SLCO3A1: variants seen among roughly 807,000 people sequenced by gnomAD.
SLCO3A1 encodes PGE1 transporter.
A neutral mutation model predicts 63.1 loss-of-function variants in SLCO3A1; 27 were observed. The observed-to-expected ratio is 0.43, with a 90% CI of 0.32 to 0.59. SLCO3A1 has a LOEUF of 0.59. Ranked by LOEUF, SLCO3A1 falls within the 20% of genes least tolerant of loss-of-function variation. The pLI is 0.09. For synonymous variants in SLCO3A1, 473 were observed against 409.9 expected (o/e 1.15, Z -1.86); for missense variants, 773 against 945.8 (o/e 0.82, Z 2.40).
chr15:92,078,264 A>G (rs1166010482), intron 2 of SLCO3A1, among the ~76,000 whole-genome samples: 1 of 152,322 alleles, frequency 6.6e-6, no homozygotes, highest in East Asian at 1.9e-4. Flanking sequence ...GGAGCACCAG[A>G]GCTGGCTAGC....
At position 92,076,622 on chromosome 15, in the gene SLCO3A1, G is replaced by A. The variant is rs79503249; in HGVS notation, c.647-18259G>A. Among the ~76,000 whole-genome samples, 85 of 152,274 alleles carry A rather than the reference G, an allele frequency of 5.6e-4. No homozygotes were observed. The East Asian group carries it at 0.011, about 20-fold the overall frequency. On this transcript the variant is annotated intron_variant, in intron 2 of 9. Coordinates refer to ENST00000318445, the MANE Select transcript of SLCO3A1 (RefSeq NM_013272.4). ...CAGAGCCTGATTCTCATTCTGCTGA[G>A]CCTCACTCTGGTGCTCACGGGCCTC...
chr15:92,045,846 C>T (rs2046855360), intron 2 of SLCO3A1, among the ~76,000 whole-genome samples: 1 of 152,092 alleles, frequency 6.6e-6, no homozygotes, highest in Non-Finnish European at 1.5e-5. Context: ...TCAATATCTC[C>T]AGTCACTTGG....
At chr15:91,873,328 G>C (rs373488538) in intron 1 of SLCO3A1, among the ~76,000 whole-genome samples, 1 of 152,150 alleles carries the variant, frequency 6.6e-6, no homozygotes. Context: ...GCCAGTTTCA[G>C]TGTTGTGGGA....
At chr15:92,091,904 C>A (rs1021888895) in intron 2 of SLCO3A1, among the ~76,000 whole-genome samples, 19 of 152,220 alleles carry the variant, frequency 1.2e-4, no homozygotes, top group African/African-American at 4.6e-4. Flanking sequence ...AATCCAAACT[C>A]TGGAAACCCA....
chr15:92,018,575 C>T (rs1362885032), intron 2 of SLCO3A1, among the ~76,000 whole-genome samples: 1 of 152,224 alleles, frequency 6.6e-6, no homozygotes, highest in African/African-American at 2.4e-5. Flanking sequence ...TCAGTCCCCT[C>T]ACCAGCCTCC....
Position 92,017,369 on chromosome 15 carries a change from G to A in SLCO3A1, c.647-77512G>A, listed in dbSNP as rs118063360. On this transcript the variant is annotated intron_variant, in intron 2 of 9. Coordinates refer to ENST00000318445, the MANE Select transcript of SLCO3A1 (RefSeq NM_013272.4). ...AGGGATCCTTATATAAACTTAAAAA[G>A]CTGTAAGTGAAACCAAATTATGTTC... is the stretch of plus-strand genomic sequence containing the variant. Among the ~76,000 whole-genome samples the A allele has an allele frequency of 5.1e-4, 77 of 152,214 alleles. No individual in the cohort carries two copies. In the East Asian group the frequency reaches 0.014, roughly 28 times the overall value.
At chr15:92,034,152 G>A (rs13329180) in intron 2 of SLCO3A1, among the ~76,000 whole-genome samples, 2,591 of 151,696 alleles carry the variant, frequency 0.017, 88 homozygotes, top group African/African-American at 0.059. Context: ...GAAAGTGGGG[G>A]CTGTATGCAG....
At chr15:92,028,070 C>G (rs1464766822) in intron 2 of SLCO3A1, among the ~76,000 whole-genome samples, 1 of 152,196 alleles carries the variant, frequency 6.6e-6, no homozygotes, top group Non-Finnish European at 1.5e-5. Flanking sequence ...ACCCATCACT[C>G]TGCTTATGTG....
intron 2 of SLCO3A1, among the ~76,000 whole-genome samples, chr15:92,062,207 G>A (rs983056992): frequency 2.0e-5 from 3 of 152,186 alleles, no homozygotes; most frequent in South Asian, 2.1e-4. Context: ...ATTCTGTTCC[G>A]GGAAGGGTTT....
intron 1 of SLCO3A1, among the ~76,000 whole-genome samples, chr15:91,914,930 C>G (rs946830928): frequency 6.6e-6 from 1 of 152,148 alleles, no homozygotes; most frequent in African/African-American, 2.4e-5. Flanking sequence ...CATGCTGTTC[C>G]TTTTGCCTGA....
At chr15:91,972,428 C>T (rs547170575) in intron 2 of SLCO3A1, among the ~76,000 whole-genome samples, 1 of 152,252 alleles carries the variant, frequency 6.6e-6, no homozygotes, top group African/African-American at 2.4e-5. Context: ...GCCTCGCCCT[C>T]TCCATGACGT....
At chr15:91,917,187 C>G (rs1047738413) in intron 2 of SLCO3A1, among the ~76,000 whole-genome samples, 3 of 152,054 alleles carry the variant, frequency 2.0e-5, no homozygotes, top group Non-Finnish European at 4.4e-5. Flanking sequence ...TGGCCAGCCC[C>G]GCATCTCTAT....
At position 92,133,204 on chromosome 15, in the gene SLCO3A1, T is replaced by C. The variant is rs1224282316; in HGVS notation, c.1512+4715T>C. 1.4e-5 allele frequency among the ~76,000 whole-genome samples: 2 copies of C among 146,034 alleles called. 1 individual carries two copies. Among genetic ancestry groups the C allele is most frequent in the African/African-American group, 5.0e-5 (2 of 40,238 alleles). On this transcript the variant is annotated intron_variant, in intron 7 of 9. Transcript: ENST00000318445. ...GTCTCCAGACATTGCCACATGTCCC[T>C]CGGGGGATATCATCACCCCCAGTGA...
intron 9 of SLCO3A1, among the ~76,000 whole-genome samples, chr15:92,160,230 A>C (rs2048419678): frequency 6.6e-6 from 1 of 152,186 alleles, no homozygotes. Flanking sequence ...GCTGTGCCAC[A>C]GAAACAGGCC....
chr15:92,028,038 G>A (rs767217012), intron 2 of SLCO3A1, among the ~76,000 whole-genome samples: 12 of 152,164 alleles, frequency 7.9e-5, no homozygotes, highest in Admixed American at 1.3e-4. Context: ...AATTTCTGCC[G>A]AGACTTAGCA....
intron 2 of SLCO3A1, among the ~76,000 whole-genome samples, chr15:91,988,938 TAC>T (rs1213525846): frequency 6.6e-6 from 1 of 152,174 alleles, no homozygotes; most frequent in East Asian, 1.9e-4. Flanking sequence ...CAACTATGTG[TAC>T]AGTTTTCATC....
At chr15:92,170,354 C>G (rs545294663), downstream of SLCO3A1, among the ~76,000 whole-genome samples, 4 of 152,198 alleles carry the variant, frequency 2.6e-5, no homozygotes, top group African/African-American at 9.6e-5. Flanking sequence ...TACCCACGTG[C>G]CGGGTTCTGT....
At chr15:91,943,715 G>A (rs979494316) in intron 2 of SLCO3A1, among the ~76,000 whole-genome samples, 2 of 152,176 alleles carry the variant, frequency 1.3e-5, no homozygotes, top group Non-Finnish European at 2.9e-5. Flanking sequence ...TAAAATAGAG[G>A]TGACTAGGAG....
chr15:92,066,540 G>A (rs1282066165), intron 2 of SLCO3A1, among the ~76,000 whole-genome samples: 1 of 152,226 alleles, frequency 6.6e-6, no homozygotes, highest in Non-Finnish European at 1.5e-5. Flanking sequence ...CAAGAAATGA[G>A]AATGTGTCTT....
Sources: allele counts gnomAD v4.1 joint callset (sites outside exome capture counted in the v4.1 genomes callset), GRCh38; gene constraint gnomAD v4.1.1; transcripts MANE v1.5; gene names NCBI Gene and HGNC (gene_info 2026-07-23, HGNC 2026-07-21).